The following SLC7A9 variants were observed in gnomAD, a reference collection of about 807,000 sequenced individuals.
The protein encoded by SLC7A9 is solute carrier family 7 member 9, also known as B(0,+)-type amino acid transporter 1.
A neutral mutation model predicts 54.1 loss-of-function variants in SLC7A9; 38 were observed. That is an observed-to-expected ratio of 0.70 (90% CI 0.54 to 0.92). SLC7A9 has a LOEUF of 0.92. SLC7A9 is among the 40% of genes least tolerant of loss of function. The pLI is 0.00. For missense variants in SLC7A9, 537 were observed against 636.1 expected, an observed-to-expected ratio of 0.84 and a Z score of 1.68; for synonymous variants, 264 against 258.9, an observed-to-expected ratio of 1.02 and a Z score of -0.19.
chr19:32,837,810 G>A (rs968100407), intron 11 of SLC7A9, among the ~76,000 whole-genome samples: 1 of 152,090 alleles, frequency 6.6e-6, no homozygotes, highest in Non-Finnish European at 1.5e-5. Context: ...CACACATTTT[G>A]TCAAAAGTTT....
chr19:32,858,699 G>A (rs940791010), intron 8 of SLC7A9, among the ~76,000 whole-genome samples, 156 bp from the exon 9 acceptor site: 1 of 152,084 alleles, frequency 6.6e-6, no homozygotes, highest in Non-Finnish European at 1.5e-5. Context: ...AGAGGAGAAC[G>A]CCACTCGCCT....
In SLC7A9 at chr19:32,864,283, A is replaced by G; in HGVS notation, c.291T>C (p.Tyr97=). ...GCCCGTAGGCCTCCATCAGGTAGGGATACTCTCCCCCTGACTTGGTGATCA... is the reference window on the plus strand; with the variant it reads ...GCCCGTAGGCCTCCATCAGGTAGGGGTACTCTCCCCCTGACTTGGTGATCA... The part of the protein sequence containing the change: ...GTMITKSGGE[Y]PYLMEAYGPI... The change falls in exon 4 of 13, where the codon TAT becomes TAC. Residue 97 remains tyrosine, a synonymous_variant. Coordinates refer to ENST00000023064, the MANE Select transcript of SLC7A9 (RefSeq NM_014270.5). 1 of 1,613,958 alleles carries G rather than the reference A, an allele frequency of 6.2e-7. No individual in the cohort carries two copies. The highest frequency in any genetic ancestry group is 1.1e-5 in the South Asian group (1 of 91,076).
intron 2 of SLC7A9, among the ~76,000 whole-genome samples, chr19:32,868,208 G>C (rs1340013617): frequency 1.4e-5 from 2 of 141,324 alleles, no homozygotes; most frequent in Non-Finnish European, 3.0e-5. Context: ...TCTAGCCTGG[G>C]TGACAGAGCA....
chr19:32,842,115 C>G, intron 11 of SLC7A9, 53 bp downstream of exon 11: 1 of 1,574,064 alleles, frequency 6.4e-7, no homozygotes, highest in Non-Finnish European at 8.7e-7. Context: ...AGAGTTACAT[C>G]TAATTCATTA....
intron 11 of SLC7A9, among the ~76,000 whole-genome samples, chr19:32,841,457 G>A (rs1968124961): frequency 6.6e-6 from 1 of 152,124 alleles, no homozygotes; most frequent in Non-Finnish European, 1.5e-5. Context: ...CCGGCATAGT[G>A]GCTCACACCT....
intron 9 of SLC7A9, among the ~76,000 whole-genome samples, chr19:32,848,018 A>C (rs1478441016): frequency 6.6e-6 from 1 of 151,376 alleles, no homozygotes; most frequent in Non-Finnish European, 1.5e-5. Flanking sequence ...GCCTGCCCTA[A>C]AAGAGCTCCT....
chr19:32,860,231 C>T, intron 7 of SLC7A9: 1 of 1,425,014 alleles, frequency 7.0e-7, no homozygotes, highest in Non-Finnish European at 9.2e-7. Context: ...CAAACCAAAC[C>T]AAACTCTAAG....
At chr19:32,849,139 G>C (rs1244503223) in intron 9 of SLC7A9, among the ~76,000 whole-genome samples, 3 of 151,976 alleles carry the variant, frequency 2.0e-5, no homozygotes, top group Non-Finnish European at 4.4e-5. Context: ...AAAAGCAAGA[G>C]CAAACACATT....
chr19:32,864,516 G>T (rs913620534), intron 3 of SLC7A9, 113 bp downstream of exon 3: 3 of 1,531,378 alleles, frequency 2.0e-6, no homozygotes, highest in African/African-American at 2.7e-5. Context: ...ACACCTGTTT[G>T]CCATACATGT....
chr19:32,846,587 G>A (rs1325117557), intron 9 of SLC7A9, among the ~76,000 whole-genome samples: 1 of 152,208 alleles, frequency 6.6e-6, no homozygotes, highest in African/African-American at 2.4e-5. Flanking sequence ...CTCCACCTCT[G>A]GGGGCAGGGC....
chr19:32,852,540 A>G (rs1053030104), intron 9 of SLC7A9, among the ~76,000 whole-genome samples: 4 of 152,202 alleles, frequency 2.6e-5, no homozygotes, highest in African/African-American at 4.8e-5. Flanking sequence ...CATAAAGGTC[A>G]CATACTCTAA....
intron 9 of SLC7A9, among the ~76,000 whole-genome samples, chr19:32,846,570 C>G (rs1248788539): frequency 3.3e-5 from 5 of 152,220 alleles, no homozygotes; most frequent in Non-Finnish European, 5.9e-5. Flanking sequence ...CTGCCTGCCT[C>G]TGTAGGCTCC....
intron 9 of SLC7A9, among the ~76,000 whole-genome samples, chr19:32,856,698 T>A (rs933837572): frequency 6.6e-6 from 1 of 152,268 alleles, no homozygotes; most frequent in African/African-American, 2.4e-5. Context: ...CTGGAACTTC[T>A]GGGCTTCTGG....
intron 6 of SLC7A9, 88 bp from the exon 7 acceptor site, chr19:32,860,738 A>G: frequency 1.3e-6 from 2 of 1,543,914 alleles, no homozygotes; most frequent in Middle Eastern, 3.4e-4. Context: ...GCCTCATTTA[A>G]GATTCTCTAC....
At chr19:32,860,121 G>A in intron 7 of SLC7A9, 157 bp from the exon 8 acceptor site, 1 of 1,547,004 alleles carries the variant, frequency 6.5e-7, no homozygotes, top group Non-Finnish European at 8.7e-7. Context: ...GCCTCTCTCA[G>A]ACTCCAGAGC....
In SLC7A9 at chr19:32,830,669, T is replaced by C; in HGVS notation, c.1415A>G (p.His472Arg). The change falls in exon 13 of 13, where the codon CAC (histidine) becomes CGC (arginine). Residue 472 changes from histidine (H) to arginine (R), a missense_variant. Transcript: ENST00000023064. ...AQKISKPITM[H>R]LQMLMEVVPP... The stretch of plus-strand genomic sequence containing the variant: ...GACCACTTCCATTAGCATCTGAAGG[T>C]GCATGGTAATCGGCTCTGAAATAAG... 1 of 1,613,964 alleles carries C rather than the reference T, an allele frequency of 6.2e-7. No individual in the cohort carries two copies. Among genetic ancestry groups the C allele is most frequent in the Non-Finnish European group, 8.5e-7 (1 of 1,179,856 alleles).
chr19:32,860,644 T>C lies in SLC7A9; in HGVS notation c.711A>G (p.Gln237=). ...NGLWAYDGWN[Q]LNYITEELRN... ...TAAGTTCTTCTGTGATGTAATTGAG[T>C]TGATTCCTGGAAAAAGGAAAGTAAC... is the stretch of plus-strand genomic sequence containing the variant. Residue 237 remains glutamine, a synonymous_variant, in exon 7 of 13, where the codon CAA becomes CAG. Coordinates refer to ENST00000023064, the MANE Select transcript of SLC7A9 (RefSeq NM_014270.5). 1 of 1,614,170 alleles carries C rather than the reference T, an allele frequency of 6.2e-7. No individual in the cohort carries two copies. Among genetic ancestry groups the C allele is most frequent in the East Asian group, 2.2e-5 (1 of 44,884 alleles).
At chr19:32,838,307 TG>T (rs1968022503) in intron 11 of SLC7A9, among the ~76,000 whole-genome samples, 1 of 152,040 alleles carries the variant, frequency 6.6e-6, no homozygotes, top group Non-Finnish European at 1.5e-5. Flanking sequence ...TCTTTTTTAA[TG>T]TGTCTTTTGG....
chr19:32,850,374 C>T, intron 9 of SLC7A9, among the ~76,000 whole-genome samples: 1 of 150,526 alleles, frequency 6.6e-6, no homozygotes, highest in Non-Finnish European at 1.5e-5. Flanking sequence ...CACAAGCATT[C>T]TTATACACCA....
Sources: allele counts gnomAD v4.1 joint callset (sites outside exome capture counted in the v4.1 genomes callset), GRCh38; gene constraint gnomAD v4.1.1; transcripts MANE v1.5; gene names NCBI Gene and HGNC (gene_info 2026-07-23, HGNC 2026-07-21).